ROBO1: variants seen among roughly 807,000 people sequenced by gnomAD.
ROBO1 encodes the protein roundabout guidance receptor 1.
A neutral mutation model predicts 195.9 loss-of-function variants in ROBO1; 149 were observed. The ratio of observed to expected loss-of-function variants is 0.76; its 90% CI spans 0.67 to 0.87. The LOEUF is 0.87. ROBO1 is among the 40% of genes least tolerant of loss of function. The probability of loss-of-function intolerance (pLI) is 0.00; values close to 1 mark genes in which losing one functional copy is unlikely to be tolerated. For missense variants in ROBO1, 1,933 were observed against 2,068.3 expected, an observed-to-expected ratio of 0.93 and a Z score of 1.27; for synonymous variants, 816 against 733.2, an observed-to-expected ratio of 1.11 and a Z score of -1.82.
intron 4 of ROBO1, among the ~76,000 whole-genome samples, chr3:78,788,314 T>A (rs1421845957): frequency 2.0e-5 from 3 of 151,298 alleles, no homozygotes; most frequent in Non-Finnish European, 4.4e-5. Context: ...GAGACGGGGT[T>A]TCACCGTGTT....
chr3:78,638,244 TAC>T (rs1234078711), intron 22 of ROBO1, among the ~76,000 whole-genome samples: 2 of 137,654 alleles, frequency 1.5e-5, no homozygotes, highest in African/African-American at 5.6e-5. Flanking sequence ...TATGTGTGTA[TAC>T]ACACATACAT....
At chr3:78,718,245 T>C (rs1437335172) in intron 5 of ROBO1, among the ~76,000 whole-genome samples, 1 of 152,170 alleles carries the variant, frequency 6.6e-6, no homozygotes, top group Non-Finnish European at 1.5e-5. Context: ...AAAAAGAAAA[T>C]TCTTAATACC....
chr3:79,589,157 AATT>A (rs1943919055), intron 2 of ROBO1, among the ~76,000 whole-genome samples: 1 of 151,702 alleles, frequency 6.6e-6, no homozygotes, highest in African/African-American at 2.4e-5. Context: ...GGAAACTTAA[AATT>A]ATATTTTCAT....
At chr3:78,839,879 T>G (rs1224434443) in intron 4 of ROBO1, among the ~76,000 whole-genome samples, 1 of 152,196 alleles carries the variant, frequency 6.6e-6, no homozygotes, top group Non-Finnish European at 1.5e-5. Context: ...TGGTTCTGAA[T>G]GAATCAGCCC....
chr3:79,445,947 C>T (rs1301359657), intron 2 of ROBO1, among the ~76,000 whole-genome samples: 3 of 151,978 alleles, frequency 2.0e-5, no homozygotes, highest in East Asian at 2.0e-4. Flanking sequence ...CCACCGCGCC[C>T]GGCCAGGCCT....
At chr3:79,126,065 T>C (rs2080210318) in intron 2 of ROBO1, among the ~76,000 whole-genome samples, 1 of 152,222 alleles carries the variant, frequency 6.6e-6, no homozygotes, top group Middle Eastern at 3.4e-3. Flanking sequence ...ATGATAAAAA[T>C]GTCATACTTT....
chr3:78,789,780 T>C (rs1427518058), intron 4 of ROBO1, among the ~76,000 whole-genome samples: 1 of 152,204 alleles, frequency 6.6e-6, no homozygotes, highest in Non-Finnish European at 1.5e-5. Flanking sequence ...TTCATTAATC[T>C]ATACTTTTGA....
At chr3:79,125,309 T>C (rs2080194551) in intron 3 of ROBO1, 147 bp downstream of exon 3, 2 of 672,046 alleles carry the variant, frequency 3.0e-6, no homozygotes. Flanking sequence ...TGATCTGATA[T>C]GAACAGAATG....
At chr3:79,465,361 ATTTAAT>A (rs1459549592) in intron 2 of ROBO1, among the ~76,000 whole-genome samples, 1 of 152,082 alleles carries the variant, frequency 6.6e-6, no homozygotes, top group African/African-American at 2.4e-5. Context: ...ATCTCTTCCA[ATTTAAT>A]TTTCTTAGTA....
chr3:79,641,484 A>T (rs1402665942), intron 1 of ROBO1, among the ~76,000 whole-genome samples: 1 of 152,056 alleles, frequency 6.6e-6, no homozygotes, highest in Admixed American at 6.6e-5. Context: ...CCAGCATGGC[A>T]CATGTATACA....
intron 2 of ROBO1, among the ~76,000 whole-genome samples, chr3:79,214,528 C>G (rs1457218133): frequency 6.6e-6 from 1 of 151,868 alleles, no homozygotes; most frequent in Admixed American, 6.6e-5. Context: ...GCGAATTCAA[C>G]GTGCTAATGC....
intron 21 of ROBO1, among the ~76,000 whole-genome samples, chr3:78,641,640 C>T (rs1395927479): frequency 6.6e-6 from 1 of 152,030 alleles, no homozygotes; most frequent in East Asian, 1.9e-4. Context: ...AATGTTATCA[C>T]TGTAGAAGTT....
chr3:79,303,492 C>T (rs2033075682), intron 2 of ROBO1, among the ~76,000 whole-genome samples: 3 of 152,040 alleles, frequency 2.0e-5, no homozygotes, highest in Admixed American at 2.0e-4. Context: ...GGTGAGAATA[C>T]TTGATATACA....
At chr3:79,604,524 A>G (rs1442763789) in intron 1 of ROBO1, among the ~76,000 whole-genome samples, 1 of 152,010 alleles carries the variant, frequency 6.6e-6, no homozygotes, top group Non-Finnish European at 1.5e-5. Flanking sequence ...AGGTGGAAAG[A>G]ACAATTTTTG....
intron 2 of ROBO1, among the ~76,000 whole-genome samples, chr3:79,219,838 C>A (rs1559744023): frequency 6.6e-6 from 1 of 151,970 alleles, no homozygotes; most frequent in African/African-American, 2.4e-5. Context: ...GACAATGTTT[C>A]CTTACAGCAG....
At chr3:79,341,127 T>A (rs1383373323) in intron 2 of ROBO1, among the ~76,000 whole-genome samples, 1 of 152,218 alleles carries the variant, frequency 6.6e-6, no homozygotes, top group Non-Finnish European at 1.5e-5. Context: ...GAAACCCTCA[T>A]GAATTTCCAA....
At chr3:79,070,172 C>A (rs959291432) in intron 3 of ROBO1, among the ~76,000 whole-genome samples, 2 of 151,886 alleles carry the variant, frequency 1.3e-5, no homozygotes, top group Non-Finnish European at 2.9e-5. Context: ...TTAACTCGAT[C>A]ATCACTCACT....
chr3:79,754,580 G>A (rs1423249479), intron 1 of ROBO1, among the ~76,000 whole-genome samples: 1 of 152,182 alleles, frequency 6.6e-6, no homozygotes, highest in African/African-American at 2.4e-5. Context: ...CTAGCTCCAT[G>A]TCTATGTTCC....
chr3:78,799,665 T>G (rs903112074), intron 4 of ROBO1, among the ~76,000 whole-genome samples: 2 of 152,146 alleles, frequency 1.3e-5, no homozygotes, highest in African/African-American at 4.8e-5. Context: ...TTGAATACTT[T>G]GCTTGTTTTT....
Sources: allele counts gnomAD v4.1 joint callset (sites outside exome capture counted in the v4.1 genomes callset), GRCh38; gene constraint gnomAD v4.1.1; transcripts MANE v1.5; gene names NCBI Gene and HGNC (gene_info 2026-07-23, HGNC 2026-07-21).